Variants in ZNF30 observed in about 807,000 individuals in gnomAD.
ZNF30 encodes the protein zinc finger protein 30 (KOX 28).
ZNF30 carries 15 observed loss-of-function variants against 13.2 expected under a neutral mutation model. The ratio of observed to expected loss-of-function variants is 1.13; its 90% CI spans 0.76 to 1.75. The LOEUF is 1.75. Ranked by LOEUF, ZNF30 falls within the 40% of genes most tolerant of loss-of-function variation. The pLI, the probability that ZNF30 is intolerant of heterozygous loss-of-function variation, is 0.00. For missense variants in ZNF30, 726 were observed against 757.0 expected (o/e 0.96, Z 0.48); for synonymous variants, 223 against 256.6 (o/e 0.87, Z 1.25).
In ZNF30 at chr19:34,943,853, C is replaced by G. The variant is rs754483327; in HGVS notation, c.887C>G (p.Ala296Gly). ...KPYECKECGK[A>G]FSTSSPLAKH... ...TACGAATGCAAAGAATGTGGGAAGG[C>G]CTTTAGCACTAGCTCACCCCTTGCT... Residue 296 changes from alanine to glycine, a missense_variant, in exon 5 of 5, where the codon GCC becomes GGC. Ala to Gly is a moderately conservative substitution (Grantham distance 60). Transcript: ENST00000601142. 1 of 1,614,120 alleles carries G rather than the reference C, an allele frequency of 6.2e-7. No individual in the cohort carries two copies. The highest frequency in any genetic ancestry group is 1.1e-5 in the South Asian group (1 of 91,086).
At position 34,943,691 on chromosome 19, in the gene ZNF30, T is replaced by A; in HGVS notation, c.725T>A (p.Leu242Gln). 1.2e-5 allele frequency: 20 copies of A among 1,613,358 alleles called. No individual in the cohort carries two copies. Among genetic ancestry groups the A allele is most frequent in the Non-Finnish European group, 1.7e-5 (20 of 1,179,542 alleles). The stretch of plus-strand genomic sequence containing the variant: ...TGCGGGGAATGTGGGAAAGCTTTTC[T>A]AGTATATGGAAAGCTTACCCGGCAT... ...YECGECGKAF[L>Q]VYGKLTRHQS... is the part of the protein sequence containing the mutation. Residue 242 changes from leucine to glutamine, a missense_variant, in exon 5 of 5, where the codon CTA becomes CAA. By Grantham distance (113) the Leu-to-Gln change is moderately radical (BLOSUM62 -2). Transcript: ENST00000601142.
intron 4 of ZNF30, among the ~76,000 whole-genome samples, chr19:34,940,634 C>T (rs2012993458): frequency 7.4e-6 from 1 of 135,614 alleles, no homozygotes; most frequent in Non-Finnish European, 1.5e-5. Flanking sequence ...TACCACAGCA[C>T]TCCTGCCTGG....
chr19:34,927,959 T>G (rs527595449), intron 1 of ZNF30, among the ~76,000 whole-genome samples: 2 of 152,076 alleles, frequency 1.3e-5, no homozygotes, highest in South Asian at 4.1e-4. Context: ...TCCCAGCACT[T>G]TGGGAAGCTG....
chr19:34,933,728 G>A lies in ZNF30; in HGVS notation c.256+5G>A, dbSNP rs1238047692. On this transcript the variant is annotated splice_donor_5th_base_variant and intron_variant, in intron 4 of 4. Transcript: ENST00000601142. The stretch of plus-strand genomic sequence containing the variant: ...ATGGAAGAAGATGGTGCACAGGTGA[G>A]TAAGAGCATGGCAGGTAGGGAGGCC... The A allele has an allele frequency of 1.3e-6, 2 of 1,566,234 alleles. No individual in the cohort carries two copies. The highest frequency in any genetic ancestry group is 8.7e-7 in the Non-Finnish European group (1 of 1,151,816).
At chr19:34,925,211 A>C (rs1272000299), upstream of ZNF30, among the ~76,000 whole-genome samples, 1 of 148,710 alleles carries the variant, frequency 6.7e-6, no homozygotes, top group Non-Finnish European at 1.5e-5. Flanking sequence ...AGCTGTCCGC[A>C]GGCGGCTTAT....
At chr19:34,941,367 T>C (rs1447029574) in intron 4 of ZNF30, among the ~76,000 whole-genome samples, 4 of 152,144 alleles carry the variant, frequency 2.6e-5, no homozygotes, top group Non-Finnish European at 5.9e-5. Context: ...CAGGTTCAAG[T>C]GATTCTCCTG....
intron 1 of ZNF30, among the ~76,000 whole-genome samples, chr19:34,929,457 A>T (rs914708083): frequency 1.3e-5 from 2 of 152,206 alleles, no homozygotes; most frequent in African/African-American, 4.8e-5. Context: ...TAACTGCCTG[A>T]TCATTTTCTC....
rs2013159453 is a variant in ZNF30, at chr19:34,943,575, A to G, written c.609A>G (p.Pro203=). The G allele has an allele frequency of 1.2e-6, 2 of 1,613,230 alleles. No individual in the cohort carries two copies. The highest frequency in any genetic ancestry group is 2.2e-5 in the South Asian group (2 of 90,928). The part of the protein sequence containing the change: ...KHGRIHTGEK[P]LKCKQCGKTI... ...GGAGAATTCACACTGGTGAGAAGCCACTCAAATGTAAGCAATGTGGAAAGA... is the reference window on the plus strand; with the variant it reads ...GGAGAATTCACACTGGTGAGAAGCCGCTCAAATGTAAGCAATGTGGAAAGA... The change falls in exon 5 of 5, where the codon CCA becomes CCG. Residue 203 remains proline (P), a synonymous_variant. Transcript: ENST00000601142.
chr19:34,928,248 TATATATAG>T (rs1268243578), intron 1 of ZNF30, among the ~76,000 whole-genome samples: 24 of 53,024 alleles, frequency 4.5e-4, no homozygotes, highest in African/African-American at 2.0e-3. Flanking sequence ...TATATATATA[TATATATAG>T]ATAGATAGAT....
intron 4 of ZNF30, among the ~76,000 whole-genome samples, chr19:34,941,685 A>G (rs2013056648): frequency 6.6e-6 from 1 of 152,238 alleles, no homozygotes; most frequent in Admixed American, 6.5e-5. Flanking sequence ...GATAACAGGA[A>G]CCATCCTAAA....
In ZNF30 at chr19:34,930,114, C is replaced by T. The variant is rs1487782001; in HGVS notation, c.9+158C>T. ...ATGTCAAAGTATCGTTTCCTCCTTA[C>T]GAGGTCCTCATTTCTAATCGGTGTT... On this transcript the variant is annotated intron_variant, in intron 2 of 4. Coordinates refer to ENST00000601142, the MANE Select transcript of ZNF30 (RefSeq NM_194325.3). 3.3e-5 allele frequency among the ~76,000 whole-genome samples: 5 copies of T among 152,162 alleles called. No homozygotes were observed. The East Asian group carries it at 5.8e-4, about 18-fold the overall frequency.
chr19:34,936,056 C>T (rs375796953), intron 4 of ZNF30, among the ~76,000 whole-genome samples: 5 of 152,280 alleles, frequency 3.3e-5, no homozygotes, highest in South Asian at 2.1e-4. Flanking sequence ...TGGGGGAAAC[C>T]GCCCCCATGA....
Position 34,935,700 on chromosome 19 carries a change from G to GT in ZNF30, c.256+2002dup, listed in dbSNP as rs142285130. On this transcript the variant is annotated intron_variant, in intron 4 of 4. Transcript: ENST00000601142. The stretch of plus-strand genomic sequence containing the variant: ...AGTTTTGTTGTATATGTTGTCTATA[G>GT]TTTTTTTTTTTTTTTTTTTTTTTTT... Among the ~76,000 whole-genome samples the GT allele has an allele frequency of 7.8e-3, 657 of 84,180 alleles. 5 individuals carry two copies. The highest frequency in any genetic ancestry group is 0.01 in the African/African-American group (196 of 19,354). The allele number at this position is 84,180 out of a possible 152,430, so 55.2% of individuals were successfully genotyped here. A position where few individuals can be genotyped will look rare whatever the true frequency, so the allele number is the denominator to read the frequency against.
At position 34,927,019 on chromosome 19, in the gene ZNF30, C is replaced by A. The variant is rs1440563644; in HGVS notation, c.-262C>A. On this transcript the variant is annotated 5_prime_UTR_variant, in exon 1 of 5. Transcript: ENST00000601142. Reference sequence around the variant, plus strand: ...CTACATTTCTCAGCGGCCACTGGAACGACCTCAATCTCTGCCTCCTCGCCA... The same window carrying A: ...CTACATTTCTCAGCGGCCACTGGAAAGACCTCAATCTCTGCCTCCTCGCCA... The A allele has an allele frequency of 5.0e-6, 2 of 398,602 alleles. No homozygotes were observed. The highest frequency in any genetic ancestry group is 8.8e-6 in the Non-Finnish European group (2 of 226,030). 24.7% of individuals were successfully genotyped at this position (398,602 alleles called of 1,614,324 possible).
At chr19:34,926,173 CAAAACAAAACA>C (rs1214462167), upstream of ZNF30, among the ~76,000 whole-genome samples, 1 of 151,826 alleles carries the variant, frequency 6.6e-6, no homozygotes, top group Middle Eastern at 3.4e-3. Context: ...GACCCTGTCT[CAAAACAAAACA>C]AAAACAAAAC....
intron 3 of ZNF30, among the ~76,000 whole-genome samples, chr19:34,932,940 C>G (rs1419961821): frequency 2.0e-5 from 3 of 151,592 alleles, no homozygotes; most frequent in African/African-American, 7.3e-5. Flanking sequence ...ACCACCACAC[C>G]CAGCTAATTT....
intron 4 of ZNF30, among the ~76,000 whole-genome samples, chr19:34,941,326 G>A (rs1040269485): frequency 3.3e-5 from 5 of 152,152 alleles, no homozygotes; most frequent in East Asian, 1.9e-4. Context: ...GTGCAATGGC[G>A]CGATCTTGGC....
chr19:34,944,343 G>A lies in ZNF30; in HGVS notation c.1377G>A (p.Lys459=). ...VHTGEKPYEC[K]ECGKAFRVHV... ...CTGGAGAGAAACCCTATGAGTGTAA[G>A]GAATGTGGCAAGGCCTTCAGAGTGC... Residue 459 remains lysine, a synonymous_variant, in exon 5 of 5, where the codon AAG becomes AAA. Coordinates refer to ENST00000601142, the MANE Select transcript of ZNF30 (RefSeq NM_194325.3). The A allele has an allele frequency of 1.2e-6, 2 of 1,614,138 alleles. No homozygotes were observed. Among genetic ancestry groups the A allele is most frequent in the Non-Finnish European group, 1.7e-6 (2 of 1,180,022 alleles).
intron 4 of ZNF30, among the ~76,000 whole-genome samples, chr19:34,941,471 G>A (rs1476599786): frequency 6.6e-6 from 1 of 152,188 alleles, no homozygotes; most frequent in Non-Finnish European, 1.5e-5. Flanking sequence ...TGCCATGTTG[G>A]CCAGGCTGGT....
Sources: allele counts gnomAD v4.1 joint callset (sites outside exome capture counted in the v4.1 genomes callset), GRCh38; gene constraint gnomAD v4.1.1; transcripts MANE v1.5; gene names NCBI Gene and HGNC (gene_info 2026-07-23, HGNC 2026-07-21).